Variants in KIF11 observed in about 807,000 individuals in gnomAD.
The protein encoded by KIF11 is kinesin-like protein KIF11.
A neutral mutation model predicts 121.0 loss-of-function variants in KIF11; 9 were observed. That is an observed-to-expected ratio of 0.07 (90% CI 0.04 to 0.13). KIF11 has a LOEUF of 0.13. Ranked by LOEUF, KIF11 falls within the 10% of genes least tolerant of loss-of-function variation. The pLI is 1.00. For missense variants in KIF11, 846 were observed against 1,217.5 expected, an observed-to-expected ratio of 0.69 and a Z score of 4.54; for synonymous variants, 408 against 421.0, an observed-to-expected ratio of 0.97 and a Z score of 0.38.
rs757296069 is a variant in KIF11 at position 92,613,442 on chromosome 10, T to A, written c.855T>A (p.Ala285=). 1.8e-5 allele frequency: 29 copies of A among 1,611,876 alleles called. No homozygotes were observed. Among genetic ancestry groups the A allele is most frequent in the Non-Finnish European group, 2.4e-5 (28 of 1,178,138 alleles). Residue 285 remains alanine (A), a synonymous_variant, in exon 8 of 22, where the codon GCT becomes GCA. Transcript: ENST00000260731. This position sits in a 1 kb window ranked among gnomAD's most constrained non-coding sequence, Gnocchi z 4.2. ...CTGTTGATAAGAGAGCTCGGGAAGC[T>A]GGAAATATAAATCAATCCCTGTTGA... ...SGAVDKRARE[A]GNINQSLLTL... is the part of the protein sequence containing the mutation.
rs1844844839 is a variant in KIF11 at position 92,639,712 on chromosome 10, ACTT to A, written c.2161-78_2161-76del. ...TATATAATTCTCACCTATGGACAAT[ACTT>A]CTTGTTTTGTTATCAGTCATAAAAA... On this transcript the variant is annotated intron_variant, in intron 16 of 21. Transcript: ENST00000260731. 1.5e-5 allele frequency: 11 copies of A among 743,190 alleles called. No individual in the cohort carries two copies. In the South Asian group the frequency reaches 1.8e-4, roughly 12 times the overall value. 46.0% of individuals were successfully genotyped at this position (743,190 alleles called of 1,614,324 possible).
intron 6 of KIF11, among the ~76,000 whole-genome samples, 168 bp downstream of exon 6, chr10:92,609,677 A>G (rs1177133616): frequency 2.6e-5 from 4 of 152,130 alleles, no homozygotes; most frequent in Non-Finnish European, 5.9e-5. Context: ...GGAAGGAACC[A>G]ATATTGGAAG....
At chr10:92,624,372 A>G (rs1844649385) in intron 10 of KIF11, among the ~76,000 whole-genome samples, 1 of 150,982 alleles carries the variant, frequency 6.6e-6, no homozygotes, top group South Asian at 2.1e-4. Context: ...CTGGGATTAC[A>G]AGCACCTGCC....
chr10:92,639,666 C>A, intron 16 of KIF11, 128 bp from the exon 17 acceptor site: 1 of 568,652 alleles, frequency 1.8e-6, no homozygotes, highest in Non-Finnish European at 3.1e-6. Flanking sequence ...GTAAAGTTAA[C>A]TTTATCTCTT....
chr10:92,614,621 C>G (rs898214660), intron 8 of KIF11, among the ~76,000 whole-genome samples: 59 of 152,144 alleles, frequency 3.9e-4, no homozygotes, highest in African/African-American at 1.3e-3. Context: ...AGAAGCAGGC[C>G]AAGTGAATGC....
rs141856144 is a variant in KIF11, at chr10:92,637,429, C to T, written c.2044C>T (p.Leu682=). ...GGAACTAGATGGCTTTCTCAGTATA[C>T]TGTGTAACAATCTACATGAACTACA... ...KKELDGFLSI[L]CNNLHELQEN... Residue 682 remains leucine (L), a synonymous_variant, in exon 16 of 22, where the codon CTG becomes TTG. Transcript: ENST00000260731. The T allele has an allele frequency of 3.8e-6, 6 of 1,596,928 alleles. No homozygotes were observed. In the Admixed American group the frequency reaches 1.1e-4, roughly 30 times the overall value.
Position 92,629,832 on chromosome 10 carries a change from G to A in KIF11, c.1306-344G>A, listed in dbSNP as rs191487190. On this transcript the variant is annotated intron_variant, in intron 11 of 21. Transcript: ENST00000260731. ...TCAGTCTCGCTATGTTGCCCAGGCT[G>A]GTCTCAAACTATGGGGCTCAAGTGA... is the stretch of plus-strand genomic sequence containing the variant. Among the ~76,000 whole-genome samples the A allele has an allele frequency of 5.3e-3, 803 of 152,180 alleles. 4 individuals carry two copies. Among genetic ancestry groups the A allele is most frequent in the Non-Finnish European group, 9.1e-3 (618 of 68,018 alleles).
intron 21 of KIF11, among the ~76,000 whole-genome samples, chr10:92,651,551 T>TTTTTTTTTTTTTTTTG (rs1844984567): frequency 9.0e-6 from 1 of 110,566 alleles, no homozygotes; most frequent in Non-Finnish European, 1.9e-5. Flanking sequence ...TTTTTTTTAG[T>TTTTTTTTTTTTTTTTG]AGAGGGGGTT....
Position 92,650,500 on chromosome 10 carries a change from G to A in KIF11, c.3022G>A (p.Gly1008Arg), listed in dbSNP as rs766041389. ...DAGVDCSSIG[G>R]VPFFQHKKSH... ...TGGTGTGGATTGTTCATCAATTGGC[G>A]GGGTTCCATTTTTCCAGGTATGTCA... The change falls in exon 21 of 22, where the codon GGG becomes AGG. Residue 1008 changes from glycine to arginine, a missense_variant. Transcript: ENST00000260731. The A allele has an allele frequency of 7.5e-6, 12 of 1,608,216 alleles. No individual in the cohort carries two copies. Among genetic ancestry groups the A allele is most frequent in the South Asian group, 3.3e-5 (3 of 90,940 alleles).
chr10:92,633,524 C>T (rs962757171), intron 13 of KIF11, 99 bp from the exon 14 acceptor site: 6 of 805,662 alleles, frequency 7.4e-6, no homozygotes, highest in African/African-American at 7.0e-5. Context: ...ACAAATTCTA[C>T]AACAAGGGTA....
At chr10:92,594,836 G>A (rs1844274573) in intron 1 of KIF11, among the ~76,000 whole-genome samples, 1 of 151,830 alleles carries the variant, frequency 6.6e-6, no homozygotes, top group African/African-American at 2.4e-5. Flanking sequence ...TTCTTTGCTT[G>A]TGTCTAATAT....
chr10:92,626,904 T>G (rs1263670511), intron 10 of KIF11, among the ~76,000 whole-genome samples: 1 of 151,974 alleles, frequency 6.6e-6, no homozygotes, highest in Non-Finnish European at 1.5e-5. Flanking sequence ...GGACTACAGG[T>G]GCCCGCCACC....
intron 9 of KIF11, among the ~76,000 whole-genome samples, chr10:92,619,853 C>T (rs1353651775): frequency 8.9e-6 from 1 of 112,570 alleles, no homozygotes; most frequent in Admixed American, 8.6e-5. Flanking sequence ...ATATTTATTT[C>T]CCATTATAAT....
intron 17 of KIF11, among the ~76,000 whole-genome samples, chr10:92,640,966 T>C (rs1186167798): frequency 4.6e-5 from 7 of 151,866 alleles, no homozygotes; most frequent in African/African-American, 1.5e-4. Flanking sequence ...CAGGCTGATC[T>C]TGAACTCCTG....
chr10:92,606,506 T>A, intron 2 of KIF11, 109 bp downstream of exon 2: 3 of 1,170,640 alleles, frequency 2.6e-6, no homozygotes, highest in Non-Finnish European at 3.6e-6. Flanking sequence ...GTCTCTGAAT[T>A]GTCAGATGGC....
intron 10 of KIF11, 73 bp downstream of exon 10, chr10:92,621,546 A>T (rs2135909876): frequency 4.7e-6 from 4 of 852,792 alleles, no homozygotes; most frequent in Middle Eastern, 4.5e-4. Context: ...AGTAAAACTT[A>T]TGTAGCAGTA....
At position 92,615,845 on chromosome 10, in the gene KIF11, T is replaced by G. The variant is rs536254854; in HGVS notation, c.1033-892T>G. On this transcript the variant is annotated intron_variant, in intron 8 of 21. Coordinates refer to ENST00000260731, the MANE Select transcript of KIF11 (RefSeq NM_004523.4). ...AGTATGGATATGGGATTTTTTTGTTTTTTTTTTTTTTTGAGATGGAGTCTC... is the reference window on the plus strand; with the variant it reads ...AGTATGGATATGGGATTTTTTTGTTGTTTTTTTTTTTTGAGATGGAGTCTC... Among the ~76,000 whole-genome samples the G allele has an allele frequency of 2.5e-4, 38 of 149,632 alleles. 1 individual carries two copies. The South Asian group carries it at 8.0e-3, about 32-fold the overall frequency.
At chr10:92,609,635 G>A in intron 6 of KIF11, 126 bp downstream of exon 6, 1 of 770,048 alleles carries the variant, frequency 1.3e-6, no homozygotes, top group Non-Finnish European at 2.0e-6. Context: ...GTTATAAGGA[G>A]GGGTCATTGG....
rs1303509326 is a variant in KIF11 at position 92,609,001 on chromosome 10, G to C, written c.388-19G>C. 18 of 1,421,676 alleles carry C rather than the reference G, an allele frequency of 1.3e-5. No homozygotes were observed. The highest frequency in any genetic ancestry group is 1.5e-5 in the Non-Finnish European group (16 of 1,056,820). 88.1% of individuals were successfully genotyped at this position (1,421,676 alleles called of 1,614,324 possible). A position where few individuals can be genotyped will look rare whatever the true frequency, so the allele number is the denominator to read the frequency against. ...TAAATGGCATTCTTCCTTTATATTA[G>C]TCCTTATTATAATTTCAGGATCCCT... On this transcript the variant is annotated intron_variant, in intron 4 of 21. Coordinates refer to ENST00000260731, the MANE Select transcript of KIF11 (RefSeq NM_004523.4).
Sources: allele counts gnomAD v4.1 joint callset (sites outside exome capture counted in the v4.1 genomes callset), GRCh38; gene constraint gnomAD v4.1.1; non-coding constraint Gnocchi (gnomAD v3.1); transcripts MANE v1.5; gene names NCBI Gene and HGNC (gene_info 2026-07-23, HGNC 2026-07-21).